Variants in NBEA observed in about 807,000 individuals in gnomAD.
The protein encoded by NBEA is neurobeachin.
NBEA carries 44 observed loss-of-function variants against 343.4 expected under a neutral mutation model. The ratio of observed to expected loss-of-function variants is 0.13; its 90% CI spans 0.10 to 0.16. The LOEUF (loss-of-function observed/expected upper bound fraction) is 0.16. Ranked by LOEUF, NBEA falls within the 10% of genes least tolerant of loss-of-function variation. NBEA has a pLI of 1.00. For missense variants in NBEA, 2,555 were observed against 3,631.3 expected, an observed-to-expected ratio of 0.70 and a Z score of 7.62; for synonymous variants, 1,175 against 1,238.7, an observed-to-expected ratio of 0.95 and a Z score of 1.08.
intron 41 of NBEA, among the ~76,000 whole-genome samples, chr13:35,517,762 T>A (rs1358749736): frequency 6.6e-6 from 1 of 152,224 alleles, no homozygotes; most frequent in South Asian, 2.1e-4. Context: ...TTGTAGTTTG[T>A]CTTTTATTAT....
Position 35,037,738 on chromosome 13 carries a change from G to A in NBEA, c.295-3195G>A, listed in dbSNP as rs906227107. On this transcript the variant is annotated intron_variant, in intron 1 of 58. Coordinates refer to ENST00000379939, the MANE Select transcript of NBEA (RefSeq NM_001385012.1). ...CACCTAAAGCTGGGGCTGGTATGAC[G>A]TATGGCACAAGCACTCCTATGACCA... 1.2e-4 allele frequency among the ~76,000 whole-genome samples: 18 copies of A among 152,282 alleles called. 1 individual carries two copies. Among genetic ancestry groups the A allele is most frequent in the South Asian group, 6.2e-4 (3 of 4,826 alleles).
chr13:35,441,078 T>C (rs140453866), intron 39 of NBEA, among the ~76,000 whole-genome samples: 71 of 152,350 alleles, frequency 4.7e-4, no homozygotes, highest in African/African-American at 1.6e-3. Flanking sequence ...TTTCATTTTT[T>C]AATAATTAAA....
At chr13:35,559,792 T>C (rs571379677) in intron 44 of NBEA, among the ~76,000 whole-genome samples, 20 of 151,940 alleles carry the variant, frequency 1.3e-4, no homozygotes, top group African/African-American at 4.8e-4. Flanking sequence ...AGCGGGCGCC[T>C]GTAGTCCCAG....
chr13:35,659,458 G>A (rs930622708), intron 55 of NBEA, among the ~76,000 whole-genome samples: 2 of 151,992 alleles, frequency 1.3e-5, no homozygotes, highest in Admixed American at 6.6e-5. Context: ...TTAATTCCAC[G>A]AAGAAAAAAT....
At chr13:35,416,982 G>T (rs2043951969) in intron 38 of NBEA, among the ~76,000 whole-genome samples, 1 of 152,200 alleles carries the variant, frequency 6.6e-6, no homozygotes, top group East Asian at 1.9e-4. Context: ...TATGTGTTCA[G>T]GAATTTATCC....
intron 40 of NBEA, among the ~76,000 whole-genome samples, chr13:35,459,007 C>A (rs1457631949): frequency 1.1e-5 from 1 of 89,798 alleles, no homozygotes; most frequent in Non-Finnish European, 2.0e-5. Flanking sequence ...TTACCACCGC[C>A]CCCCCCCCCC....
At chr13:35,084,367 A>T (rs2064609202) in intron 10 of NBEA, among the ~76,000 whole-genome samples, 1 of 149,270 alleles carries the variant, frequency 6.7e-6, no homozygotes, top group Admixed American at 6.6e-5. Flanking sequence ...AGAAATTATA[A>T]CAAACTGAAA....
chr13:34,944,867 A>C (rs2059141370), intron 1 of NBEA, among the ~76,000 whole-genome samples: 1 of 152,186 alleles, frequency 6.6e-6, no homozygotes, highest in African/African-American at 2.4e-5. Flanking sequence ...TAGAGCTTTC[A>C]CAACCTGGAA....
At chr13:35,080,725 G>C (rs2064348976) in intron 10 of NBEA, among the ~76,000 whole-genome samples, 1 of 152,144 alleles carries the variant, frequency 6.6e-6, no homozygotes, top group Non-Finnish European at 1.5e-5. Flanking sequence ...AACATAAGGA[G>C]TTCTAGTAGA....
At chr13:35,047,398 A>G (rs895897158) in intron 4 of NBEA, among the ~76,000 whole-genome samples, 3 of 152,066 alleles carry the variant, frequency 2.0e-5, no homozygotes, top group African/African-American at 7.2e-5. Context: ...TATAAATGAT[A>G]CTGTAGATTT....
chr13:35,415,347 T>C (rs1428848653), intron 38 of NBEA, among the ~76,000 whole-genome samples: 1 of 152,288 alleles, frequency 6.6e-6, no homozygotes, highest in East Asian at 1.9e-4. Context: ...GGTTTTCTTC[T>C]GGGGTTTTTA....
intron 44 of NBEA, among the ~76,000 whole-genome samples, chr13:35,561,177 T>G (rs1204806479): frequency 6.6e-6 from 1 of 152,196 alleles, no homozygotes; most frequent in Non-Finnish European, 1.5e-5. Flanking sequence ...GCATTTTATG[T>G]GCATTTTATC....
intron 36 of NBEA, among the ~76,000 whole-genome samples, chr13:35,346,855 C>T (rs951534377): frequency 2.0e-5 from 3 of 152,034 alleles, no homozygotes; most frequent in Admixed American, 6.6e-5. Flanking sequence ...GGATTTTAGA[C>T]GGATTTCTAC....
intron 58 of NBEA, among the ~76,000 whole-genome samples, chr13:35,670,125 G>A (rs767584698): frequency 4.5e-4 from 69 of 152,144 alleles, no homozygotes; most frequent in Non-Finnish European, 7.8e-4. Context: ...TACTCAAAAG[G>A]TATTTATTGG....
At chr13:35,306,696 C>T (rs1357067953) in intron 35 of NBEA, among the ~76,000 whole-genome samples, 2 of 151,940 alleles carry the variant, frequency 1.3e-5, no homozygotes, top group Non-Finnish European at 2.9e-5. Context: ...ATTAAAGGGT[C>T]CTTTCTCTTT....
chr13:35,070,658 A>G (rs2063830703), intron 9 of NBEA, 61 bp from the exon 10 acceptor site: 3 of 1,411,782 alleles, frequency 2.1e-6, no homozygotes, highest in Non-Finnish European at 2.9e-6. Flanking sequence ...ATTTGGAACA[A>G]GGAAATAGTG....
chr13:35,119,351 A>C (rs1482937234), intron 16 of NBEA, among the ~76,000 whole-genome samples: 1 of 152,166 alleles, frequency 6.6e-6, no homozygotes, highest in Non-Finnish European at 1.5e-5. Flanking sequence ...TGGAAATAAT[A>C]TATCAGTGAC....
intron 13 of NBEA, among the ~76,000 whole-genome samples, chr13:35,114,665 C>T (rs1345185317): frequency 1.3e-5 from 2 of 152,084 alleles, no homozygotes; most frequent in African/African-American, 4.8e-5. Flanking sequence ...CCTGAGGCCT[C>T]ACTGGCTCTA....
intron 36 of NBEA, among the ~76,000 whole-genome samples, chr13:35,322,988 T>C (rs2038272453): frequency 6.6e-6 from 1 of 152,126 alleles, no homozygotes; most frequent in African/African-American, 2.4e-5. Flanking sequence ...TAGCTGGGAC[T>C]ATAGGCACGA....
Sources: gnomAD v4.1 joint callset for allele counts (sites outside exome capture counted in the v4.1 genomes callset) on GRCh38, gnomAD v4.1.1 for gene constraint, MANE v1.5 for transcripts, NCBI Gene and HGNC (gene_info 2026-07-23, HGNC 2026-07-21) for gene names.